The following ANGPT1 variants were observed in gnomAD, a reference collection of about 807,000 sequenced individuals.
The protein encoded by ANGPT1 is angiopoietin 1, also known as angiopoietin-1.
ANGPT1 carries 17 observed loss-of-function variants against 62.2 expected under a neutral mutation model. That is an observed-to-expected ratio of 0.27 (90% CI 0.19 to 0.41). ANGPT1 has a LOEUF of 0.41. ANGPT1 is among the 10% of genes least tolerant of loss of function. The pLI, the probability that ANGPT1 is intolerant of heterozygous loss-of-function variation, is 1.00. For missense variants in ANGPT1, 478 were observed against 594.9 expected, an observed-to-expected ratio of 0.80 and a Z score of 2.04; for synonymous variants, 199 against 198.9, an observed-to-expected ratio of 1.00 and a Z score of 0.00.
intron 3 of ANGPT1, among the ~76,000 whole-genome samples, chr8:107,331,869 T>G (rs1463726549): frequency 1.3e-5 from 2 of 152,146 alleles, no homozygotes; most frequent in Non-Finnish European, 2.9e-5. Flanking sequence ...AGAAAGCCCG[T>G]GTGCTCCGTC....
chr8:107,435,338 T>C (rs534007721), intron 1 of ANGPT1, among the ~76,000 whole-genome samples: 22 of 152,338 alleles, frequency 1.4e-4, no homozygotes, highest in Non-Finnish European at 3.2e-4. Flanking sequence ...AGACAGTAAA[T>C]CTTGCAGTCA....
chr8:107,489,713 C>T (rs1417224302), intron 1 of ANGPT1, among the ~76,000 whole-genome samples: 1 of 152,018 alleles, frequency 6.6e-6, no homozygotes, highest in East Asian at 1.9e-4. Flanking sequence ...CTTTAAAAAC[C>T]TCTTTGATAA....
chr8:107,260,799 T>C (rs973786848), intron 8 of ANGPT1, among the ~76,000 whole-genome samples: 5 of 152,186 alleles, frequency 3.3e-5, no homozygotes, highest in Admixed American at 1.3e-4. Context: ...GGAAATATTC[T>C]CTCCCAAACA....
intron 1 of ANGPT1, among the ~76,000 whole-genome samples, chr8:107,468,218 C>T (rs1812257053): frequency 6.6e-6 from 1 of 151,976 alleles, no homozygotes; most frequent in Non-Finnish European, 1.5e-5. Flanking sequence ...GTATTCTGTG[C>T]TCATTGGGAG....
At chr8:107,480,605 T>C (rs1812652078) in intron 1 of ANGPT1, among the ~76,000 whole-genome samples, 1 of 152,214 alleles carries the variant, frequency 6.6e-6, no homozygotes, top group South Asian at 2.1e-4. Flanking sequence ...AGGGGATCGA[T>C]GACTAACAGC....
At chr8:107,320,757 G>A (rs1020188274) in intron 4 of ANGPT1, among the ~76,000 whole-genome samples, 7 of 152,078 alleles carry the variant, frequency 4.6e-5, no homozygotes, top group African/African-American at 1.4e-4. Context: ...CGAGGTAATG[G>A]AGTGTAATAG....
At position 107,303,254 on chromosome 8, in the gene ANGPT1, G is replaced by T; in HGVS notation, c.922C>A (p.Pro308Thr). 1.2e-6 allele frequency: 2 copies of T among 1,608,416 alleles called. No homozygotes were observed. The highest frequency in any genetic ancestry group is 1.7e-6 in the Non-Finnish European group (2 of 1,176,862). ...GIYTIYINNM[P>T]EPKKVFCNMD... ...TCTGGTTTTACCTTTTTGGGTTCTGGCATATTATTAATATAAATAGTGTAG... is the reference window on the plus strand; with the variant it reads ...TCTGGTTTTACCTTTTTGGGTTCTGTCATATTATTAATATAAATAGTGTAG... The change falls in exon 5 of 9, where the codon CCA becomes ACA. Residue 308 changes from proline to threonine, a missense_variant. Pro to Thr is a conservative substitution (Grantham distance 38). Around this residue, in one of 4 missense-constraint regions of ANGPT1, gnomAD observed 81 missense variants for 117.1 expected, o/e 0.69. Transcript: ENST00000517746.
chr8:107,301,736 C>T (rs1356304974), intron 5 of ANGPT1, among the ~76,000 whole-genome samples: 1 of 151,914 alleles, frequency 6.6e-6, no homozygotes, highest in Non-Finnish European at 1.5e-5. Context: ...ACATTTTACC[C>T]CCTTATAGAC....
At chr8:107,325,627 A>G (rs997878824) in intron 3 of ANGPT1, among the ~76,000 whole-genome samples, 1 of 152,178 alleles carries the variant, frequency 6.6e-6, no homozygotes, top group Non-Finnish European at 1.5e-5. Flanking sequence ...ATTAGTTGCT[A>G]AGTGCCAATA....
intron 1 of ANGPT1, among the ~76,000 whole-genome samples, chr8:107,418,330 A>G (rs1810807692): frequency 6.6e-6 from 1 of 152,224 alleles, no homozygotes; most frequent in Admixed American, 6.5e-5. Flanking sequence ...AAAGCATTAC[A>G]GCTGCCTTTC....
chr8:107,493,761 T>C (rs2130546775), intron 1 of ANGPT1, among the ~76,000 whole-genome samples: 1 of 150,356 alleles, frequency 6.7e-6, no homozygotes, highest in South Asian at 2.2e-4. Flanking sequence ...ACACACATGG[T>C]CACTGGCCTC....
intron 8 of ANGPT1, among the ~76,000 whole-genome samples, chr8:107,258,530 C>T (rs890688126): frequency 6.6e-6 from 1 of 152,096 alleles, no homozygotes; most frequent in Non-Finnish European, 1.5e-5. Context: ...TGGTTGTAGC[C>T]TTGCACGAGA....
rs374966004 is a variant in ANGPT1, at chr8:107,312,261, C to T, written c.809-8894G>A. On this transcript the variant is annotated intron_variant, in intron 4 of 8. Coordinates refer to ENST00000517746, the MANE Select transcript of ANGPT1 (RefSeq NM_001146.5). ...TTTGTTCAGGAGCTCATTTTATTCA[C>T]AAAGACATTTCAGGTGTTTCGTGTG... Among the ~76,000 whole-genome samples the T allele has an allele frequency of 1.4e-3, 214 of 152,294 alleles. 2 individuals carry two copies. The highest frequency in any genetic ancestry group is 4.9e-3 in the African/African-American group (204 of 41,562).
At chr8:107,292,654 C>T (rs948672181) in intron 6 of ANGPT1, among the ~76,000 whole-genome samples, 2 of 152,072 alleles carry the variant, frequency 1.3e-5, no homozygotes, top group Non-Finnish European at 2.9e-5. Flanking sequence ...TGTGTAAGTC[C>T]AAACTTTTTA....
intron 1 of ANGPT1, among the ~76,000 whole-genome samples, chr8:107,447,922 T>C (rs1283723): frequency 0.083 from 12,591 of 152,266 alleles, 561 homozygotes; most frequent in South Asian, 0.13. Flanking sequence ...AACACAATTC[T>C]GAAAGTTATG....
chr8:107,271,832 T>A (rs1251171779), intron 7 of ANGPT1, among the ~76,000 whole-genome samples: 1 of 151,534 alleles, frequency 6.6e-6, no homozygotes, highest in Non-Finnish European at 1.5e-5. Flanking sequence ...CTTGCCATCA[T>A]ATAATATTTT....
intron 1 of ANGPT1, among the ~76,000 whole-genome samples, chr8:107,476,059 A>C (rs1356324780): frequency 6.6e-6 from 1 of 152,214 alleles, no homozygotes; most frequent in Non-Finnish European, 1.5e-5. Flanking sequence ...TAGAAATACC[A>C]TTTGACCCAG....
At chr8:107,434,989 A>G (rs1204091677) in intron 1 of ANGPT1, among the ~76,000 whole-genome samples, 1 of 152,282 alleles carries the variant, frequency 6.6e-6, no homozygotes, top group Non-Finnish European at 1.5e-5. Flanking sequence ...TGATTCTCTA[A>G]TCACTAAATT....
chr8:107,364,227 A>C (rs1000822289), intron 1 of ANGPT1, among the ~76,000 whole-genome samples: 1 of 152,196 alleles, frequency 6.6e-6, no homozygotes, highest in Non-Finnish European at 1.5e-5. Context: ...ATATGATTAA[A>C]TAAAGAAATG....
Sources: allele counts gnomAD v4.1 joint callset (sites outside exome capture counted in the v4.1 genomes callset), GRCh38; gene constraint gnomAD v4.1.1; regional missense constraint gnomAD v4.1.1; transcripts MANE v1.5; gene names NCBI Gene and HGNC (gene_info 2026-07-23, HGNC 2026-07-21).